Variants in ILDR2 observed in about 807,000 individuals in gnomAD.
ILDR2 encodes immunoglobulin like domain containing receptor 2, also known as immunoglobulin-like domain-containing receptor 2.
ILDR2 carries 25 observed loss-of-function variants against 66.8 expected under a neutral mutation model. The observed-to-expected ratio is 0.37, with a 90% CI of 0.27 to 0.52. The LOEUF is 0.52. ILDR2 is among the 20% of genes least tolerant of loss of function. The probability of loss-of-function intolerance (pLI) is 0.88; values close to 1 mark genes in which losing one functional copy is unlikely to be tolerated. For missense variants in ILDR2, 827 were observed against 876.8 expected (o/e 0.94, Z 0.72); for synonymous variants, 367 against 357.2 (o/e 1.03, Z -0.31).
chr1:166,955,192 A>T (rs1662202973), intron 3 of ILDR2, among the ~76,000 whole-genome samples: 1 of 152,226 alleles, frequency 6.6e-6, no homozygotes, highest in Non-Finnish European at 1.5e-5. Context: ...AATATCAGTC[A>T]TATTTCCATT....
At chr1:166,935,677 G>A (rs746735572) in intron 5 of ILDR2, among the ~76,000 whole-genome samples, 200 bp from the exon 6 acceptor site, 25 of 152,046 alleles carry the variant, frequency 1.6e-4, no homozygotes, top group Non-Finnish European at 3.2e-4. Flanking sequence ...TCCACCAAAC[G>A]GCAACGACAA....
At chr1:166,957,695 A>T (rs1662363642) in intron 2 of ILDR2, 74 bp downstream of exon 2, 1 of 1,301,380 alleles carries the variant, frequency 7.7e-7, no homozygotes, top group Non-Finnish European at 1.1e-6. Context: ...ATATCACCAT[A>T]TTGACATAAG....
At chr1:166,924,321 T>C (rs1363346787) in intron 7 of ILDR2, among the ~76,000 whole-genome samples, 1 of 152,230 alleles carries the variant, frequency 6.6e-6, no homozygotes, top group Non-Finnish European at 1.5e-5. Context: ...AAGAGGCCTT[T>C]AAAATGCACC....
In ILDR2 at chr1:166,936,763, C is replaced by T. The variant is rs745609330; in HGVS notation, c.557-26G>A. 2.7e-5 allele frequency: 44 copies of T among 1,612,892 alleles called. No homozygotes were observed. Among genetic ancestry groups the T allele is most frequent in the African/African-American group, 2.7e-5 (2 of 74,882 alleles). On this transcript the variant is annotated intron_variant, in intron 4 of 9. Coordinates refer to ENST00000271417, the MANE Select transcript of ILDR2 (RefSeq NM_199351.3). This position sits in a 1 kb window ranked among gnomAD's most constrained non-coding sequence, Gnocchi z 5.0. ...CTGGAAGGATGCACAAAGAAATCCA[C>T]ACTCGAGGCAGCCCACCTCCAGGGC...
At chr1:166,965,534 A>G (rs1185641785) in intron 1 of ILDR2, among the ~76,000 whole-genome samples, 1 of 150,684 alleles carries the variant, frequency 6.6e-6, no homozygotes, top group Non-Finnish European at 1.5e-5. Flanking sequence ...CCCAACCTGT[A>G]CAAATCTTTC....
chr1:166,898,744 G>C (rs974611579), intron 2 of ILDR2, among the ~76,000 whole-genome samples: 17 of 152,242 alleles, frequency 1.1e-4, no homozygotes, highest in African/African-American at 3.6e-4. Flanking sequence ...TCCCTAGTAT[G>C]TACTTAGTGT....
At chr1:166,938,221 G>C (rs1481692037) in intron 4 of ILDR2, among the ~76,000 whole-genome samples, 1 of 152,252 alleles carries the variant, frequency 6.6e-6, no homozygotes, top group Non-Finnish European at 1.5e-5. Context: ...GCCTGAGATA[G>C]ATAGGAGCTC....
In ILDR2 at chr1:166,946,812, T is replaced by A. The variant is rs138043726; in HGVS notation, c.500-7242A>T. Reference sequence around the variant, plus strand: ...CCAACTGCCTTCTAGTCTCCTAATATTTGTAGTGAATGACCCTGAAATGTG... The same window carrying A: ...CCAACTGCCTTCTAGTCTCCTAATAATTGTAGTGAATGACCCTGAAATGTG... On this transcript the variant is annotated intron_variant, in intron 3 of 9. Coordinates refer to ENST00000271417, the MANE Select transcript of ILDR2 (RefSeq NM_199351.3). Among the ~76,000 whole-genome samples, 3 of 152,336 alleles carry A rather than the reference T, an allele frequency of 2.0e-5. No individual in the cohort carries two copies. The East Asian group carries it at 5.8e-4, about 29-fold the overall frequency.
intron 5 of ILDR2, among the ~76,000 whole-genome samples, 182 bp from the exon 6 acceptor site, chr1:166,935,659 T>C (rs1381715623): frequency 7.9e-5 from 12 of 152,152 alleles, no homozygotes; most frequent in Non-Finnish European, 1.8e-4. Flanking sequence ...TCCCTCGGAC[T>C]CTCCAGCTCC....
chr1:166,923,352 C>T (rs554871334), intron 7 of ILDR2, among the ~76,000 whole-genome samples: 3 of 152,338 alleles, frequency 2.0e-5, no homozygotes, highest in African/African-American at 4.8e-5. Context: ...TGCCCCTCCC[C>T]ACAGAGCAGG....
rs1659693417 is a variant in ILDR2, at chr1:166,917,625, T to A, written c.*1730A>T. ...AGGCTATGAGAAACACAAGTTTGGA[T>A]GGATTAAGAGGTTCAGGGATGAACA... On this transcript the variant is annotated 3_prime_UTR_variant, in exon 10 of 10. Transcript: ENST00000271417. The A allele has an allele frequency of 6.6e-6, 1 of 152,188 alleles. No homozygotes were observed. The highest frequency in any genetic ancestry group is 1.5e-5 in the Non-Finnish European group (1 of 68,038). 9.4% of individuals were successfully genotyped at this position (152,188 alleles called of 1,614,324 possible).
intron 3 of ILDR2, among the ~76,000 whole-genome samples, chr1:166,943,491 CAAAAAAAAA>C (rs11366097): frequency 2.6e-3 from 193 of 74,512 alleles, no homozygotes; most frequent in African/African-American, 9.5e-3. Flanking sequence ...GACTCCGTCT[CAAAAAAAAA>C]AAAAAAAAAA....
intron 2 of ILDR2, among the ~76,000 whole-genome samples, chr1:166,897,700 T>C (rs572503321): frequency 3.4e-4 from 52 of 152,318 alleles, no homozygotes; most frequent in African/African-American, 1.2e-3. Context: ...GTTGGTAATA[T>C]ACATCAATGT....
chr1:166,921,249 T>A lies in ILDR2; in HGVS notation c.1342A>T (p.Ser448Cys). ...CGGCTCCCGCCCCGCGCCTCGTGAC[T>A]GTTGCCGTCTGCCCGGCGGGGCCGC... Reference protein sequence around the residue: ...GQRPRRADGNSHEARGGSRFE... With the variant: ...GQRPRRADGNCHEARGGSRFE... The change falls in exon 9 of 10, where the codon AGT becomes TGT. Residue 448 changes from serine (S) to cysteine (C), a missense_variant. By Grantham distance (112) the Ser-to-Cys change is moderately radical (BLOSUM62 -1). Around this residue, in one of 2 missense-constraint regions of ILDR2, gnomAD observed 390 missense variants for 353.6 expected, o/e 1.10. Transcript: ENST00000271417. This position sits in a 1 kb window ranked among gnomAD's most constrained non-coding sequence, Gnocchi z 5.3. 1 of 1,598,632 alleles carries A rather than the reference T, an allele frequency of 6.3e-7. No homozygotes were observed. The highest frequency in any genetic ancestry group is 8.5e-7 in the Non-Finnish European group (1 of 1,176,356).
At chr1:166,923,805 A>C (rs1660106579) in intron 7 of ILDR2, among the ~76,000 whole-genome samples, 1 of 152,240 alleles carries the variant, frequency 6.6e-6, no homozygotes, top group South Asian at 2.1e-4. Flanking sequence ...AAATGTATTG[A>C]ATTTCATTGT....
intron 5 of ILDR2, 43 bp from the exon 6 acceptor site, chr1:166,935,520 C>A (rs1327353288): frequency 2.0e-6 from 3 of 1,486,220 alleles, no homozygotes; most frequent in Non-Finnish European, 2.7e-6. Context: ...CGTCGTCCCA[C>A]CCTCCACAAC....
intron 1 of ILDR2, among the ~76,000 whole-genome samples, chr1:166,972,037 C>G (rs1054398120): frequency 1.3e-5 from 2 of 151,984 alleles, no homozygotes; most frequent in Non-Finnish European, 2.9e-5. Context: ...CATGGTGAAA[C>G]CCCAACTCTA....
At chr1:166,974,649 C>G (rs1663485843) in intron 1 of ILDR2, among the ~76,000 whole-genome samples, 1 of 152,192 alleles carries the variant, frequency 6.6e-6, no homozygotes, top group Non-Finnish European at 1.5e-5. Flanking sequence ...AGGCTCTAAA[C>G]TCCACAACCA....
At position 166,921,696 on chromosome 1, in the gene ILDR2, A is replaced by G. The variant is rs1330032676; in HGVS notation, c.1212-317T>C. ...CATTATGTTGTGACCTCGGGTTGAC[A>G]GCCACACGTCTCCACCCTCAAAGCC... is the stretch of plus-strand genomic sequence containing the variant. On this transcript the variant is annotated intron_variant, in intron 8 of 9. Coordinates refer to ENST00000271417, the MANE Select transcript of ILDR2 (RefSeq NM_199351.3). This position sits in a 1 kb window ranked among gnomAD's most constrained non-coding sequence, Gnocchi z 5.3. 6.6e-6 allele frequency among the ~76,000 whole-genome samples: 1 copy of G among 152,232 alleles called. No homozygotes were observed. The highest frequency in any genetic ancestry group is 6.5e-5 in the Admixed American group (1 of 15,284).
Sources: allele counts gnomAD v4.1 joint callset (sites outside exome capture counted in the v4.1 genomes callset), GRCh38; gene constraint gnomAD v4.1.1; regional missense constraint gnomAD v4.1.1; non-coding constraint Gnocchi (gnomAD v3.1); transcripts MANE v1.5; gene names NCBI Gene and HGNC (gene_info 2026-07-23, HGNC 2026-07-21).